AGAP1: variants seen among roughly 807,000 people sequenced by gnomAD.
AGAP1 encodes the protein arf-GAP with GTPase, ANK repeat and PH domain-containing protein 1.
Under a neutral mutation model 105.3 loss-of-function variants are expected in AGAP1, and 29 were observed. The observed-to-expected ratio is 0.28, with a 90% CI of 0.21 to 0.38. The LOEUF is 0.38. AGAP1 is among the 10% of genes least tolerant of loss of function. The probability of loss-of-function intolerance (pLI) is 1.00; values close to 1 mark genes in which losing one functional copy is unlikely to be tolerated. For synonymous variants in AGAP1, 509 were observed against 485.9 expected, an observed-to-expected ratio of 1.05 and a Z score of -0.63; for missense variants, 998 against 1,165.1, an observed-to-expected ratio of 0.86 and a Z score of 2.09.
chr2:236,031,348 C>T (rs1232929220), intron 13 of AGAP1, among the ~76,000 whole-genome samples: 2 of 152,142 alleles, frequency 1.3e-5, no homozygotes, highest in Non-Finnish European at 2.9e-5. Context: ...TATAGTTGCA[C>T]AGTGAGAAGA....
chr2:236,108,529 G>C (rs1207301753), intron 16 of AGAP1, among the ~76,000 whole-genome samples: 2 of 152,150 alleles, frequency 1.3e-5, no homozygotes, highest in Admixed American at 1.3e-4. Flanking sequence ...CTGTTGGCGG[G>C]GGCAGGGCAG....
Position 235,601,409 on chromosome 2 carries a change from A to G in AGAP1, c.163+106560A>G, listed in dbSNP as rs538432629. On this transcript the variant is annotated intron_variant, in intron 1 of 17. Coordinates refer to ENST00000304032, the MANE Select transcript of AGAP1 (RefSeq NM_001037131.3). This position sits in a 1 kb window ranked among gnomAD's most constrained non-coding sequence, Gnocchi z 4.4. The stretch of plus-strand genomic sequence containing the variant: ...ATAAGCACATACCTGAGACTGGGTA[A>G]TTTATAAAGGAAAGAAGTTTAACGG... 2.0e-5 allele frequency among the ~76,000 whole-genome samples: 3 copies of G among 152,276 alleles called. No individual in the cohort carries two copies. The highest frequency in any genetic ancestry group is 3.4e-3 in the Middle Eastern group (1 of 294).
chr2:235,809,239 T>G (rs1369740371), intron 9 of AGAP1, among the ~76,000 whole-genome samples: 1 of 152,108 alleles, frequency 6.6e-6, no homozygotes, highest in Non-Finnish European at 1.5e-5. Context: ...GCAGGCTAGC[T>G]TTTCAATATG....
chr2:235,750,677 C>G lies in AGAP1; in HGVS notation c.673+189C>G, dbSNP rs1377800685. ...TGTTTCATATAAACAGTGCTGTGTTCAGAAGAGACAACAAGGCATGGCTTG... is the reference window on the plus strand; with the variant it reads ...TGTTTCATATAAACAGTGCTGTGTTGAGAAGAGACAACAAGGCATGGCTTG... On this transcript the variant is annotated intron_variant, in intron 6 of 17. Coordinates refer to ENST00000304032, the MANE Select transcript of AGAP1 (RefSeq NM_001037131.3). This position sits in a 1 kb window ranked among gnomAD's most constrained non-coding sequence, Gnocchi z 5.3. Among the ~76,000 whole-genome samples the G allele has an allele frequency of 6.6e-6, 1 of 152,136 alleles. No individual in the cohort carries two copies. The highest frequency in any genetic ancestry group is 2.4e-5 in the African/African-American group (1 of 41,406).
intron 13 of AGAP1, among the ~76,000 whole-genome samples, chr2:235,974,194 A>G (rs1302243403): frequency 6.6e-6 from 1 of 152,236 alleles, no homozygotes; most frequent in Non-Finnish European, 1.5e-5. Context: ...GGTTGCTGGT[A>G]GGTGACAGAA....
At chr2:235,840,084 G>A (rs1290267531) in intron 9 of AGAP1, among the ~76,000 whole-genome samples, 1 of 152,202 alleles carries the variant, frequency 6.6e-6, no homozygotes, top group African/African-American at 2.4e-5. Context: ...AGGTCATATT[G>A]TGATCTTCCC....
intron 10 of AGAP1, among the ~76,000 whole-genome samples, chr2:235,884,513 C>T (rs768186842): frequency 3.4e-5 from 5 of 146,020 alleles, no homozygotes; most frequent in African/African-American, 5.1e-5. Flanking sequence ...TGCAGTGGCG[C>T]GATCCTGGCT....
chr2:235,774,153 CAT>C, intron 6 of AGAP1: 1 of 379,996 alleles, frequency 2.6e-6, no homozygotes, highest in Non-Finnish European at 5.3e-6. Flanking sequence ...AAATTCAACT[CAT>C]AAATAAATGC....
chr2:235,681,199 C>T (rs763588571), intron 1 of AGAP1, among the ~76,000 whole-genome samples: 40 of 152,146 alleles, frequency 2.6e-4, no homozygotes, highest in Non-Finnish European at 4.0e-4. Flanking sequence ...TTAGTAGAGA[C>T]GGGGCTTCAC....
intron 5 of AGAP1, among the ~76,000 whole-genome samples, chr2:235,748,388 C>G (rs988393063): frequency 2.0e-5 from 3 of 152,074 alleles, no homozygotes; most frequent in African/African-American, 7.2e-5. Flanking sequence ...GGACTTGTAA[C>G]TTCTTTTTAC....
intron 13 of AGAP1, among the ~76,000 whole-genome samples, chr2:235,978,652 C>A (rs1167174995): frequency 1.3e-5 from 2 of 152,198 alleles, no homozygotes; most frequent in African/African-American, 4.8e-5. Context: ...CATCTGTTAA[C>A]CTGGAAAAGG....
rs1161342977 is a variant in AGAP1 at position 236,002,870 on chromosome 2, A to C, written c.1646-33691A>C. Among the ~76,000 whole-genome samples, 3 of 152,132 alleles carry C rather than the reference A, an allele frequency of 2.0e-5. No individual in the cohort carries two copies. Among genetic ancestry groups the C allele is most frequent in the African/African-American group, 4.8e-5 (2 of 41,416 alleles). On this transcript the variant is annotated intron_variant, in intron 13 of 17. Coordinates refer to ENST00000304032, the MANE Select transcript of AGAP1 (RefSeq NM_001037131.3). This position sits in a 1 kb window ranked among gnomAD's most constrained non-coding sequence, Gnocchi z 4.3. ...GTTAAGTGTGATTTGAAAAATGACC[A>C]AGTCTCCTAAGGTGAAGTTTGTGTG...
In AGAP1 at chr2:235,712,806, G is replaced by T. The variant is rs183456929; in HGVS notation, c.222+3569G>T. On this transcript the variant is annotated intron_variant, in intron 2 of 17. Transcript: ENST00000304032. This position sits in a 1 kb window ranked among gnomAD's most constrained non-coding sequence, Gnocchi z 6.0. ...TCCTCCTCATGTAGCTCTTTGGCTC[G>T]CTCTGGATTGATTTCCTCCGTCTTG... is the stretch of plus-strand genomic sequence containing the variant. Among the ~76,000 whole-genome samples, 109 of 152,290 alleles carry T rather than the reference G, an allele frequency of 7.2e-4. No individual in the cohort carries two copies. Among genetic ancestry groups the T allele is most frequent in the Non-Finnish European group, 1.2e-3 (85 of 68,032 alleles).
At chr2:235,985,186 C>T (rs1252276345) in intron 13 of AGAP1, among the ~76,000 whole-genome samples, 1 of 152,172 alleles carries the variant, frequency 6.6e-6, no homozygotes, top group Admixed American at 6.5e-5. Context: ...TTTTGATTTG[C>T]ATTTCTCTGA....
chr2:235,852,537 G>T (rs909614847), intron 9 of AGAP1: 7 of 697,052 alleles, frequency 1.0e-5, no homozygotes, highest in Non-Finnish European at 1.5e-5. Context: ...GTGTGCGAGA[G>T]AAAGTTAGCC....
rs1428952156 is a variant in AGAP1, at chr2:235,664,666, GC to G, written c.164-44511del. The stretch of plus-strand genomic sequence containing the variant: ...TTAAAACCAAGCTTGCTTCTCACTG[GC>G]CTGTTTAAGTGGAAATGAAGTCTCA... On this transcript the variant is annotated intron_variant, in intron 1 of 17. Transcript: ENST00000304032. The surrounding 1 kb of genome is among the most constrained non-coding windows in gnomAD (Gnocchi z 5.7). Among the ~76,000 whole-genome samples the G allele has an allele frequency of 9.9e-5, 15 of 152,130 alleles. No homozygotes were observed. The highest frequency in any genetic ancestry group is 3.6e-4 in the African/African-American group (15 of 41,422).
chr2:235,662,965 C>T lies in AGAP1; in HGVS notation c.164-46214C>T, dbSNP rs1426173102. On this transcript the variant is annotated intron_variant, in intron 1 of 17. Coordinates refer to ENST00000304032, the MANE Select transcript of AGAP1 (RefSeq NM_001037131.3). This position sits in a 1 kb window ranked among gnomAD's most constrained non-coding sequence, Gnocchi z 4.2. ...ACTAGGAGGGCAGGTAGCTGCCGCT[C>T]CCAGCAGCCCCTGATGTGTTTTCCT... Among the ~76,000 whole-genome samples the T allele has an allele frequency of 1.3e-5, 2 of 152,192 alleles. No homozygotes were observed. Among genetic ancestry groups the T allele is most frequent in the Non-Finnish European group, 2.9e-5 (2 of 68,046 alleles).
In AGAP1 at chr2:235,799,312, G is replaced by T. The variant is rs749074252; in HGVS notation, c.802-55G>T. ...TTGGTTATGACCTTGCCTAAGTGGA[G>T]GTCTTGGGTTCCTGAGTATGTCGTT... On this transcript the variant is annotated intron_variant, in intron 7 of 17. Transcript: ENST00000304032. This position sits in a 1 kb window ranked among gnomAD's most constrained non-coding sequence, Gnocchi z 5.0. 1.3e-5 allele frequency: 20 copies of T among 1,583,364 alleles called. No homozygotes were observed. The Admixed American group carries it at 1.5e-4, about 12-fold the overall frequency.
At chr2:235,969,555 C>G (rs2054554655) in intron 13 of AGAP1, among the ~76,000 whole-genome samples, 1 of 152,160 alleles carries the variant, frequency 6.6e-6, no homozygotes, top group Non-Finnish European at 1.5e-5. Context: ...TTCTCTTTCT[C>G]TATGGCTGCC....
Sources: gnomAD v4.1 joint callset for allele counts (sites outside exome capture counted in the v4.1 genomes callset) on GRCh38, gnomAD v4.1.1 for gene constraint, Gnocchi (gnomAD v3.1) non-coding constraint, MANE v1.5 for transcripts, NCBI Gene and HGNC (gene_info 2026-07-23, HGNC 2026-07-21) for gene names.